Variants in OSBPL9 observed in about 807,000 individuals in gnomAD.
OSBPL9 encodes the protein oxysterol binding protein like 9.
A neutral mutation model predicts 106.6 loss-of-function variants in OSBPL9; 40 were observed. That is an observed-to-expected ratio of 0.38 (90% CI 0.29 to 0.49). The LOEUF (loss-of-function observed/expected upper bound fraction) is 0.49, where lower values mean the gene tolerates loss of function less well. Ranked by LOEUF, OSBPL9 falls within the 20% of genes least tolerant of loss-of-function variation. The probability of loss-of-function intolerance (pLI) is 0.97; values close to 1 mark genes in which losing one functional copy is unlikely to be tolerated. For missense variants in OSBPL9, 609 were observed against 887.2 expected (o/e 0.69, Z 3.98); for synonymous variants, 269 against 295.4 (o/e 0.91, Z 0.92).
Position 51,669,480 on chromosome 1 carries a change from T to A in OSBPL9, c.209T>A (p.Ile70Lys). ...GATGAGGACGACAGCACCTTCACAATAACTGTTGATCAGAAAACCTTCCAT... is the reference window on the plus strand; with the variant it reads ...GATGAGGACGACAGCACCTTCACAAAAACTGTTGATCAGAAAACCTTCCAT... The part of the protein sequence containing the change: ...IDDEDDSTFT[I>K]TVDQKTFHFQ... The change falls in exon 3 of 24, where the codon ATA (isoleucine) becomes AAA (lysine). Residue 70 changes from isoleucine to lysine, a missense_variant. This residue lies in a region of OSBPL9 where 72 missense variants were observed against 140.5 expected (regional missense o/e 0.51). Coordinates refer to ENST00000428468, the MANE Select transcript of OSBPL9 (RefSeq NM_024586.6). The A allele has an allele frequency of 6.2e-7, 1 of 1,614,098 alleles. No individual in the cohort carries two copies. The highest frequency in any genetic ancestry group is 8.5e-7 in the Non-Finnish European group (1 of 1,179,978).
intron 2 of OSBPL9, among the ~76,000 whole-genome samples, chr1:51,606,285 C>T (rs1436474320): frequency 6.6e-6 from 1 of 152,174 alleles, no homozygotes; most frequent in African/African-American, 2.4e-5. Flanking sequence ...CCGTGTGTGG[C>T]AACACAGACT....
At chr1:51,618,937 C>T (rs1396757050) in intron 1 of OSBPL9, among the ~76,000 whole-genome samples, 1 of 152,164 alleles carries the variant, frequency 6.6e-6, no homozygotes, top group Non-Finnish European at 1.5e-5. Flanking sequence ...GGCAAGCTTG[C>T]AAGAGTAAAA....
chr1:51,686,487 A>C lies in OSBPL9; in HGVS notation c.241+16975A>C, dbSNP rs116655632. 2.0e-5 allele frequency among the ~76,000 whole-genome samples: 3 copies of C among 152,230 alleles called. No individual in the cohort carries two copies. The South Asian group carries it at 6.2e-4, about 31-fold the overall frequency. ...ACTGCTGTTCTCTCTCCTAAACAGCATAGCATCCTTCCTACACTGACTGTA... is the reference window on the plus strand; with the variant it reads ...ACTGCTGTTCTCTCTCCTAAACAGCCTAGCATCCTTCCTACACTGACTGTA... On this transcript the variant is annotated intron_variant, in intron 3 of 23. Transcript: ENST00000428468.
chr1:51,533,360 C>A, the OSBPL9 span, among the ~76,000 whole-genome samples: 4 of 151,638 alleles, frequency 2.6e-5, no homozygotes, highest in Non-Finnish European at 5.9e-5. Flanking sequence ...GTGGTGCATG[C>A]CTGTAGTCCC....
chr1:51,760,795 T>C lies in OSBPL9; in HGVS notation c.673+15T>C. On this transcript the variant is annotated intron_variant, in intron 10 of 23. Transcript: ENST00000428468. ...GTTACCTCCAGGTAATTTGGGAAAA[T>C]GTTTCTTAGATTCATTGATGAGAAA... 1 of 1,612,874 alleles carries C rather than the reference T, an allele frequency of 6.2e-7. No individual in the cohort carries two copies. The highest frequency in any genetic ancestry group is 8.5e-7 in the Non-Finnish European group (1 of 1,179,106).
chr1:51,537,214 A>T, the OSBPL9 span, among the ~76,000 whole-genome samples: 2 of 152,328 alleles, frequency 1.3e-5, no homozygotes, highest in South Asian at 2.1e-4. Flanking sequence ...TATAAACATT[A>T]CCCTTATTAT....
intron 3 of OSBPL9, among the ~76,000 whole-genome samples, chr1:51,679,062 C>T (rs1348877257): frequency 6.6e-6 from 1 of 152,100 alleles, no homozygotes; most frequent in Non-Finnish European, 1.5e-5. Context: ...TCAGTTATAA[C>T]TAATTTTCTA....
At chr1:51,621,077 G>T (rs977160601) in intron 1 of OSBPL9, among the ~76,000 whole-genome samples, 1 of 152,122 alleles carries the variant, frequency 6.6e-6, no homozygotes, top group Non-Finnish European at 1.5e-5. Flanking sequence ...ACGGTAAAAT[G>T]AATTCATTTC....
At position 51,787,447 on chromosome 1, in the gene OSBPL9, G is replaced by A; in HGVS notation, c.2095G>A (p.Ala699Thr). The A allele has an allele frequency of 6.2e-7, 1 of 1,614,056 alleles. No individual in the cohort carries two copies. Among genetic ancestry groups the A allele is most frequent in the Non-Finnish European group, 8.5e-7 (1 of 1,179,908 alleles). ...GCTTGAAGAAAGACAAAGAGCAGAA[G>A]CCCGAGAAAGGAAGGAGAAGGAAAT... ...HRLEERQRAE[A>T]RERKEKEIQW... is the part of the protein sequence containing the mutation. The change falls in exon 23 of 24, where the codon GCC (alanine) becomes ACC (threonine). Residue 699 changes from alanine to threonine, a missense_variant. Ala to Thr is a moderately conservative substitution (Grantham distance 58, BLOSUM62 0). This residue lies in a region of OSBPL9 where 132 missense variants were observed against 158.1 expected (regional missense o/e 0.83). Transcript: ENST00000428468.
At chr1:51,597,009 G>A (rs1645303507) in intron 1 of OSBPL9, among the ~76,000 whole-genome samples, 1 of 152,152 alleles carries the variant, frequency 6.6e-6, no homozygotes, top group Admixed American at 6.5e-5. Context: ...GGGGGTCAGG[G>A]AGGTCCTCCT....
chr1:51,597,508 C>T (rs559364275), intron 1 of OSBPL9, among the ~76,000 whole-genome samples: 1 of 150,764 alleles, frequency 6.6e-6, no homozygotes, highest in African/African-American at 2.4e-5. Flanking sequence ...TATATACACA[C>T]ACACATATAT....
intron 1 of OSBPL9, among the ~76,000 whole-genome samples, chr1:51,623,064 G>A (rs1644542561): frequency 6.6e-6 from 1 of 152,164 alleles, no homozygotes. Context: ...CTTGAATACT[G>A]CTGAAAGGAT....
At chr1:51,786,202 C>T (rs1415274369) in intron 21 of OSBPL9, 8 of 436,034 alleles carry the variant, frequency 1.8e-5, no homozygotes, top group African/African-American at 6.2e-5. Context: ...AGGTATGTGG[C>T]GTATGTTTAT....
At chr1:51,780,660 G>A (rs780576016) in intron 15 of OSBPL9, among the ~76,000 whole-genome samples, 7 of 152,262 alleles carry the variant, frequency 4.6e-5, no homozygotes, top group African/African-American at 9.6e-5. Flanking sequence ...CCAGCTACTC[G>A]GGAGGCTGAG....
chr1:51,522,252 G>C, the OSBPL9 span, among the ~76,000 whole-genome samples: 1,240 of 152,194 alleles, frequency 8.1e-3, 11 homozygotes, highest in African/African-American at 0.029. Flanking sequence ...AGCAGGCTTG[G>C]GTCTTGGTTA....
chr1:51,728,846 T>A (rs1046752125), intron 4 of OSBPL9, among the ~76,000 whole-genome samples: 8 of 152,162 alleles, frequency 5.3e-5, no homozygotes, highest in African/African-American at 1.9e-4. Context: ...GTTTGTGCAG[T>A]GTGCCCTGTG....
At chr1:51,635,797 GC>G (rs1259104745) in intron 1 of OSBPL9, among the ~76,000 whole-genome samples, 1 of 151,556 alleles carries the variant, frequency 6.6e-6, no homozygotes, top group Non-Finnish European at 1.5e-5. Context: ...AATGTTATAG[GC>G]CACTAGATCA....
intron 4 of OSBPL9, among the ~76,000 whole-genome samples, chr1:51,735,911 G>A (rs1665579924): frequency 6.6e-6 from 1 of 151,996 alleles, no homozygotes; most frequent in African/African-American, 2.4e-5. Flanking sequence ...GTTTAGCCTT[G>A]GAAAAATTCA....
chr1:51,548,301 G>C, the OSBPL9 span, among the ~76,000 whole-genome samples: 2 of 152,096 alleles, frequency 1.3e-5, no homozygotes, highest in Non-Finnish European at 1.5e-5. Flanking sequence ...GTCTTGCTGT[G>C]TTGCCCAGGT....
Sources: allele counts gnomAD v4.1 joint callset (sites outside exome capture counted in the v4.1 genomes callset), GRCh38; gene constraint gnomAD v4.1.1; regional missense constraint gnomAD v4.1.1; transcripts MANE v1.5; gene names NCBI Gene and HGNC (gene_info 2026-07-23, HGNC 2026-07-21).